Variants in ERCC3 observed in about 807,000 individuals in gnomAD.
The protein encoded by ERCC3 is general transcription and DNA repair factor IIH helicase/translocase subunit XPB.
ERCC3 carries 66 observed loss-of-function variants against 94.2 expected under a neutral mutation model. That is an observed-to-expected ratio of 0.70 (90% CI 0.57 to 0.86). The LOEUF is 0.86. ERCC3 is among the 40% of genes least tolerant of loss of function. The pLI is 0.00. For synonymous variants in ERCC3, 349 were observed against 369.1 expected, an observed-to-expected ratio of 0.95 and a Z score of 0.63; for missense variants, 829 against 987.1, an observed-to-expected ratio of 0.84 and a Z score of 2.15.
At chr2:127,285,983 A>T (rs1000258542) in intron 8 of ERCC3, among the ~76,000 whole-genome samples, 1 of 63,228 alleles carries the variant, frequency 1.6e-5, no homozygotes, top group African/African-American at 4.2e-5. Context: ...AGAGCAGCTT[A>T]AAAAAAAAAG....
chr2:127,261,408 G>T (rs1039660025), intron 12 of ERCC3, 62 bp from the exon 13 acceptor site: 8 of 1,046,686 alleles, frequency 7.6e-6, no homozygotes, highest in Admixed American at 1.7e-5. Context: ...AATGCCAAGA[G>T]CTAAGGGTCC....
Position 127,293,717 on chromosome 2 carries a change from G to C in ERCC3, c.30C>G (p.Asp10Glu). 2 of 1,611,472 alleles carry C rather than the reference G, an allele frequency of 1.2e-6. No homozygotes were observed. The highest frequency in any genetic ancestry group is 1.7e-6 in the Non-Finnish European group (2 of 1,179,986). Residue 10 changes from aspartate (D) to glutamate (E), a missense_variant and splice_region_variant, in exon 2 of 15, where the codon GAC becomes GAG. Asp to Glu is a conservative substitution (Grantham distance 45). Coordinates refer to ENST00000285398, the MANE Select transcript of ERCC3 (RefSeq NM_000122.2). ...AGTGCCGCTTCCTGGATTTCTTCTT[G>C]TCTGCAAGATACCAACACAGAAGTA... MGKRDRADRDKKKSRKRHYE... is the reference protein window; with the variant it reads MGKRDRADREKKKSRKRHYE...
At chr2:127,261,779 A>C (rs1573928607) in intron 12 of ERCC3, 1 of 229,682 alleles carries the variant, frequency 4.4e-6, no homozygotes, top group Non-Finnish European at 8.6e-6. Flanking sequence ...TGAGATTATC[A>C]CCTCACGCCC....
At chr2:127,267,429 CT>C (rs372128714) in intron 12 of ERCC3, among the ~76,000 whole-genome samples, 1,808 of 143,860 alleles carry the variant, frequency 0.013, 26 homozygotes, top group African/African-American at 0.036. Flanking sequence ...CTGCCCCACT[CT>C]TTTTTTTTTT....
Position 127,284,926 on chromosome 2 carries a change from A to G in ERCC3, c.1342+1777T>C, listed in dbSNP as rs1685020071. ...AATCTTAAGCTCCTGGGCTCAAGCA[A>G]TCCTCCTGCCCTGGCCTCCCAAAGT... On this transcript the variant is annotated intron_variant, in intron 8 of 14. Transcript: ENST00000285398. This position sits in a 1 kb window ranked among gnomAD's most constrained non-coding sequence, Gnocchi z 4.1. 6.6e-6 allele frequency among the ~76,000 whole-genome samples: 1 copy of G among 152,124 alleles called. No individual in the cohort carries two copies. The highest frequency in any genetic ancestry group is 1.5e-5 in the Non-Finnish European group (1 of 68,010).
rs1463569734 is a variant in ERCC3, at chr2:127,279,998, A to ACTGCTTCCACACTTC, written c.1527+448_1527+449insGAAGTGTGGAAGCAG. Among the ~76,000 whole-genome samples the ACTGCTTCCACACTTC allele has an allele frequency of 2.8e-4, 43 of 152,298 alleles. No homozygotes were observed. Among genetic ancestry groups the ACTGCTTCCACACTTC allele is most frequent in the African/African-American group, 1.0e-3 (43 of 41,570 alleles). ...TCTTCCATTTAAGCCACACTTCCAC[A>ACTGCTTCCACACTTC]CACGAGTCAGCACTGCTACTGAGTA... On this transcript the variant is annotated intron_variant, in intron 9 of 14. Coordinates refer to ENST00000285398, the MANE Select transcript of ERCC3 (RefSeq NM_000122.2). This position sits in a 1 kb window ranked among gnomAD's most constrained non-coding sequence, Gnocchi z 4.7.
intron 13 of ERCC3, chr2:127,261,022 G>A: frequency 1.7e-6 from 1 of 589,712 alleles, no homozygotes; most frequent in Non-Finnish European, 3.1e-6. Flanking sequence ...ATAGTGCCAT[G>A]GCACCTCAGT....
At chr2:127,275,151 C>T (rs1684693690) in intron 10 of ERCC3, among the ~76,000 whole-genome samples, 1 of 152,054 alleles carries the variant, frequency 6.6e-6, no homozygotes, top group Non-Finnish European at 1.5e-5. Context: ...TTGGAGAATC[C>T]CCACCACACA....
intron 11 of ERCC3, among the ~76,000 whole-genome samples, chr2:127,272,589 A>C (rs548145815): frequency 1.3e-5 from 2 of 152,242 alleles, no homozygotes; most frequent in East Asian, 3.9e-4. Flanking sequence ...TTTTCCTTTT[A>C]TAAATAAGGA....
chr2:127,271,102 G>C lies in ERCC3; in HGVS notation c.1945+234C>G, dbSNP rs187850674. On this transcript the variant is annotated intron_variant, in intron 12 of 14. Coordinates refer to ENST00000285398, the MANE Select transcript of ERCC3 (RefSeq NM_000122.2). This position sits in a 1 kb window ranked among gnomAD's most constrained non-coding sequence, Gnocchi z 5.0. ...TACCAACACAGCTGCACAGTGTACA[G>C]AGCACATCTGTGTGGATTCCGTGAC... 2.0e-4 allele frequency among the ~76,000 whole-genome samples: 31 copies of C among 152,296 alleles called. No individual in the cohort carries two copies. Among genetic ancestry groups the C allele is most frequent in the Non-Finnish European group, 3.1e-4 (21 of 68,036 alleles).
chr2:127,275,886 A>C (rs934220049), intron 10 of ERCC3, among the ~76,000 whole-genome samples: 24 of 152,306 alleles, frequency 1.6e-4, no homozygotes, highest in African/African-American at 5.5e-4. Context: ...GCAGGAGGGA[A>C]GACCGATACA....
In ERCC3 at chr2:127,293,520, A is replaced by G; in HGVS notation, c.227T>C (p.Leu76Pro). 2.5e-6 allele frequency: 4 copies of G among 1,614,004 alleles called. No homozygotes were observed. The highest frequency in any genetic ancestry group is 3.4e-6 in the Non-Finnish European group (4 of 1,179,954). The stretch of plus-strand genomic sequence containing the variant: ...AGCTAAGGGCATGCTTACCACCCAG[A>G]GGGGCCTGGAGGTGTGGTCGTCCTT... ...PLKDDHTSRP[L>P]WVAPDGHIFL... The change falls in exon 2 of 15, where the codon CTC becomes CCC. Residue 76 changes from leucine to proline, a missense_variant. By Grantham distance (98) the Leu-to-Pro change is moderately conservative. Transcript: ENST00000285398.
At position 127,292,325 on chromosome 2, in the gene ERCC3, C is replaced by T. The variant is rs532378927; in HGVS notation, c.471+285G>A. ...GCTACAATGGGCCTGAATTAGTAGC[C>T]CCTCTGTGTTAATACCCACAGCTGG... On this transcript the variant is annotated intron_variant, in intron 3 of 14. Coordinates refer to ENST00000285398, the MANE Select transcript of ERCC3 (RefSeq NM_000122.2). The T allele has an allele frequency of 2.8e-4, 143 of 505,886 alleles. 1 individual carries two copies. The highest frequency in any genetic ancestry group is 2.2e-3 in the African/African-American group (114 of 52,252). The allele number at this position is 505,886 out of a possible 1,614,324, so 31.3% of individuals were successfully genotyped here. A position where few individuals can be genotyped will look rare whatever the true frequency, so the allele number is the denominator to read the frequency against.
chr2:127,270,129 T>TA (rs1176702955), intron 12 of ERCC3, among the ~76,000 whole-genome samples: 6 of 152,176 alleles, frequency 3.9e-5, no homozygotes, highest in African/African-American at 1.4e-4. Flanking sequence ...TGTCAGTTTA[T>TA]AAAAGCTACT....
At position 127,280,321 on chromosome 2, in the gene ERCC3, T is replaced by C; in HGVS notation, c.1527+126A>G. The stretch of plus-strand genomic sequence containing the variant: ...CCAACCACAGGGTGACTGAGGATCC[T>C]GTATGAAGTGGTAGCAGGTGAGCCT... On this transcript the variant is annotated intron_variant, in intron 9 of 14. Transcript: ENST00000285398. This position sits in a 1 kb window ranked among gnomAD's most constrained non-coding sequence, Gnocchi z 6.3. 1 of 848,504 alleles carries C rather than the reference T, an allele frequency of 1.2e-6. No individual in the cohort carries two copies. The highest frequency in any genetic ancestry group is 2.0e-6 in the Non-Finnish European group (1 of 508,382). The allele number at this position is 848,504 out of a possible 1,614,324, so 52.6% of individuals were successfully genotyped here.
At position 127,293,628 on chromosome 2, in the gene ERCC3, G is replaced by A. The variant is rs1251238422; in HGVS notation, c.119C>T (p.Ser40Leu). The change falls in exon 2 of 15, where the codon TCG becomes TTG. Residue 40 changes from serine to leucine, a missense_variant. Transcript: ENST00000285398. Reference sequence around the variant, plus strand: ...CTCATCCACCTGCTTCCCCGCCGCCGAGGGAACCGCTTCCTGAGGGTCGTT... The same window carrying A: ...CTCATCCACCTGCTTCCCCGCCGCCAAGGGAACCGCTTCCTGAGGGTCGTT... Reference protein sequence around the residue: ...PGNDPQEAVPSAAGKQVDESG... With the variant: ...PGNDPQEAVPLAAGKQVDESG... The A allele has an allele frequency of 1.9e-6, 3 of 1,614,010 alleles. No individual in the cohort carries two copies. The highest frequency in any genetic ancestry group is 3.3e-5 in the Admixed American group (2 of 60,004).
rs753859161 is a variant in ERCC3, at chr2:127,284,678, TTCA to T, written c.1342+2022_1342+2024del. Among the ~76,000 whole-genome samples, 28 of 151,218 alleles carry T rather than the reference TTCA, an allele frequency of 1.9e-4. No homozygotes were observed. The highest frequency in any genetic ancestry group is 3.4e-3 in the Middle Eastern group (1 of 294). On this transcript the variant is annotated intron_variant, in intron 8 of 14. Coordinates refer to ENST00000285398, the MANE Select transcript of ERCC3 (RefSeq NM_000122.2). The surrounding 1 kb of genome is among the most constrained non-coding windows in gnomAD (Gnocchi z 4.1). ...AGACTCCTTAATTTACCCTAATCTG[TTCA>T]TCTTTATTTTTTTTTTTTGAGACAG...
At chr2:127,287,458 C>T (rs1002018787) in intron 7 of ERCC3, among the ~76,000 whole-genome samples, 2 of 152,000 alleles carry the variant, frequency 1.3e-5, no homozygotes, top group Non-Finnish European at 2.9e-5. Context: ...CATGGTGAAA[C>T]CCTATCTTTA....
chr2:127,264,222 G>C lies in ERCC3; in HGVS notation c.1946-2876C>G, dbSNP rs1684285032. Among the ~76,000 whole-genome samples, 1 of 152,190 alleles carries C rather than the reference G, an allele frequency of 6.6e-6. No homozygotes were observed. Among genetic ancestry groups the C allele is most frequent in the African/African-American group, 2.4e-5 (1 of 41,452 alleles). On this transcript the variant is annotated intron_variant, in intron 12 of 14. Transcript: ENST00000285398. This position sits in a 1 kb window ranked among gnomAD's most constrained non-coding sequence, Gnocchi z 4.4. ...CTCACACCTATAATCCCAGCACTTT[G>C]GGAGGCCAAGGTGGGTGGATCACCT...
Sources: allele counts gnomAD v4.1 joint callset (sites outside exome capture counted in the v4.1 genomes callset), GRCh38; gene constraint gnomAD v4.1.1; non-coding constraint Gnocchi (gnomAD v3.1); transcripts MANE v1.5; gene names NCBI Gene and HGNC (gene_info 2026-07-23, HGNC 2026-07-21).